The following IPP variants were observed in gnomAD, a reference collection of about 807,000 sequenced individuals.
The protein encoded by IPP is intracisternal A particle-promoted polypeptide.
In IPP, 41 loss-of-function variants were observed where a neutral mutation model predicts 64.1. The ratio of observed to expected loss-of-function variants is 0.64; its 90% CI spans 0.50 to 0.83. IPP has a LOEUF of 0.83. Among genes scored for constraint, IPP ranks in the 40% least tolerant of loss-of-function variants. The probability of loss-of-function intolerance (pLI) is 0.00; values close to 1 mark genes in which losing one functional copy is unlikely to be tolerated. For synonymous variants in IPP, 214 were observed against 235.2 expected (o/e 0.91, Z 0.83); for missense variants, 649 against 703.0 (o/e 0.92, Z 0.87).
At chr1:45,747,119 A>AGC (rs552812489) in intron 1 of IPP, among the ~76,000 whole-genome samples, 217 of 149,692 alleles carry the variant, frequency 1.4e-3, no homozygotes, top group Non-Finnish European at 2.2e-3. Flanking sequence ...CGCGCACACG[A>AGC]GCGCGCGCGC....
At chr1:45,713,113 A>G (rs1645612178) in intron 8 of IPP, among the ~76,000 whole-genome samples, 2 of 152,180 alleles carry the variant, frequency 1.3e-5, no homozygotes, top group Non-Finnish European at 2.9e-5. Context: ...TTAAGAATCT[A>G]GAAAAAAAGA....
chr1:45,728,041 T>C (rs1402182843), intron 4 of IPP, among the ~76,000 whole-genome samples: 6 of 152,262 alleles, frequency 3.9e-5, no homozygotes, highest in Non-Finnish European at 1.5e-5. Flanking sequence ...AATATAAATC[T>C]AGGCACTGCT....
intron 8 of IPP, among the ~76,000 whole-genome samples, chr1:45,711,034 A>C (rs887353801): frequency 2.0e-4 from 16 of 81,674 alleles, no homozygotes; most frequent in African/African-American, 5.2e-4. Context: ...AAACAAACAA[A>C]AAAAAAAAGA....
chr1:45,702,475 G>T (rs939821751), intron 8 of IPP, among the ~76,000 whole-genome samples: 1 of 152,146 alleles, frequency 6.6e-6, no homozygotes, highest in Admixed American at 6.5e-5. Context: ...TATCATTTGA[G>T]ACGGAGTCTC....
intron 3 of IPP, among the ~76,000 whole-genome samples, chr1:45,731,729 T>C (rs1442862233): frequency 6.6e-6 from 1 of 151,172 alleles, no homozygotes; most frequent in Non-Finnish European, 1.5e-5. Context: ...AGGTCAGGAG[T>C]TAAGAGACCA....
At chr1:45,713,268 A>G (rs1645614411) in intron 8 of IPP, among the ~76,000 whole-genome samples, 1 of 152,052 alleles carries the variant, frequency 6.6e-6, no homozygotes, top group African/African-American at 2.4e-5. Flanking sequence ...ACCATAGAAA[A>G]AAAAAAATTC....
chr1:45,694,502 G>A (rs751927830), downstream of IPP: 126 of 1,524,594 alleles, frequency 8.3e-5, 3 homozygotes, highest in Middle Eastern at 5.0e-4. Flanking sequence ...GGAAAACCTC[G>A]TATCTGTGAG....
intron 1 of IPP, among the ~76,000 whole-genome samples, chr1:45,749,527 T>TTTG (rs1553194763): frequency 1.9e-4 from 15 of 77,946 alleles, no homozygotes; most frequent in Non-Finnish European, 3.9e-4. Context: ...TGTTTTTTGT[T>TTTG]TTTTTTTTTT....
At chr1:45,736,438 AT>A (rs975393108) in intron 3 of IPP, among the ~76,000 whole-genome samples, 1 of 152,130 alleles carries the variant, frequency 6.6e-6, no homozygotes, top group Non-Finnish European at 1.5e-5. Flanking sequence ...ATGGAAAAAA[AT>A]CTACGCATTT....
intron 8 of IPP, among the ~76,000 whole-genome samples, chr1:45,705,683 G>T (rs532313045): frequency 9.5e-4 from 144 of 152,232 alleles, no homozygotes; most frequent in African/African-American, 3.2e-3. Context: ...GTGCGCACCT[G>T]TAATCTCAGC....
rs187985613 is a variant in IPP, at chr1:45,714,164, G to A, written c.1530+82C>T. 83 of 1,007,178 alleles carry A rather than the reference G, an allele frequency of 8.2e-5. No homozygotes were observed. In the East Asian group the frequency reaches 1.7e-3, roughly 20 times the overall value. The allele number at this position is 1,007,178 out of a possible 1,614,324, so 62.4% of individuals were successfully genotyped here. A position where few individuals can be genotyped will look rare whatever the true frequency, so the allele number is the denominator to read the frequency against. On this transcript the variant is annotated intron_variant, in intron 8 of 8. Coordinates refer to ENST00000396478, the MANE Select transcript of IPP (RefSeq NM_005897.3). ...AATCCACGAATGATCAATATCATGA[G>A]TGAAAAAGAGTGCATCACCACAGAT...
chr1:45,727,170 C>T (rs534341927), intron 5 of IPP, among the ~76,000 whole-genome samples: 66 of 152,224 alleles, frequency 4.3e-4, no homozygotes, highest in African/African-American at 1.5e-3. Flanking sequence ...CCACATCATC[C>T]TCTCAAGTAG....
chr1:45,709,053 A>AAT (rs1488300126), intron 8 of IPP, among the ~76,000 whole-genome samples: 2 of 146,672 alleles, frequency 1.4e-5, no homozygotes, highest in Admixed American at 6.9e-5. Context: ...AAAAAAAAAA[A>AAT]GGAGAAAAAA....
At chr1:45,734,237 A>G (rs1157352264) in intron 3 of IPP, among the ~76,000 whole-genome samples, 2 of 152,126 alleles carry the variant, frequency 1.3e-5, no homozygotes, top group African/African-American at 2.4e-5. Context: ...TGAAACTATG[A>G]TTCTTTTAAT....
At chr1:45,729,559 G>C in intron 4 of IPP, 55 bp downstream of exon 4, 2 of 1,360,096 alleles carry the variant, frequency 1.5e-6, no homozygotes, top group Non-Finnish European at 2.1e-6. Flanking sequence ...ATATTAAAAA[G>C]GTTTGATCTG....
At chr1:45,701,800 G>C (rs1645458929) in intron 8 of IPP, among the ~76,000 whole-genome samples, 1 of 152,136 alleles carries the variant, frequency 6.6e-6, no homozygotes. Context: ...GTAAATTTTT[G>C]AGGACAGGGA....
In IPP at chr1:45,714,427, A is replaced by G. The variant is rs371580251; in HGVS notation, c.1349T>C (p.Ile450Thr). ...YVIGGISNEG[I>T]ELRSFEVYDP... ...ATAGACTTCAAAAGAACGAAGTTCT[A>G]TTCCTTCATTGCTGATGCCCCCAAT... The change falls in exon 8 of 9, where the codon ATA becomes ACA. Residue 450 changes from isoleucine (I) to threonine (T), a missense_variant. Physicochemically the swap from Ile to Thr is moderately conservative, Grantham distance 89. Transcript: ENST00000396478. 3 of 1,613,568 alleles carry G rather than the reference A, an allele frequency of 1.9e-6. No individual in the cohort carries two copies. The highest frequency in any genetic ancestry group is 1.1e-5 in the South Asian group (1 of 91,082).
At position 45,738,839 on chromosome 1, in the gene IPP, CAAA is replaced by C. The variant is rs752168393; in HGVS notation, c.724+2059_724+2061del. Among the ~76,000 whole-genome samples, 60 of 7,682 alleles carry C rather than the reference CAAA, an allele frequency of 7.8e-3. 1 individual carries two copies. The highest frequency in any genetic ancestry group is 0.013 in the Non-Finnish European group (35 of 2,676). The allele number at this position is 7,682 out of a possible 152,430, so 5.0% of individuals were successfully genotyped here. A position where few individuals can be genotyped will look rare whatever the true frequency, so the allele number is the denominator to read the frequency against. The stretch of plus-strand genomic sequence containing the variant: ...TGGGTGACAGAGCAAGACTCCATCT[CAAA>C]AAAAAAAAAAAAAAAAAAAAAAACA... On this transcript the variant is annotated intron_variant, in intron 3 of 8. Transcript: ENST00000396478.
intron 5 of IPP, 99 bp from the exon 6 acceptor site, chr1:45,719,439 T>G: frequency 1.3e-6 from 1 of 742,740 alleles, no homozygotes; most frequent in Non-Finnish European, 2.1e-6. Context: ...CGTCAAAAAT[T>G]CAACCATTAT....
Sources: gnomAD v4.1 joint callset for allele counts (sites outside exome capture counted in the v4.1 genomes callset) on GRCh38, gnomAD v4.1.1 for gene constraint, MANE v1.5 for transcripts, NCBI Gene and HGNC (gene_info 2026-07-23, HGNC 2026-07-21) for gene names.